The following TRAPPC9 variants were observed in gnomAD, a reference collection of about 807,000 sequenced individuals.
The protein encoded by TRAPPC9 is trafficking protein particle complex subunit 9.
TRAPPC9 carries 83 observed loss-of-function variants against 124.0 expected under a neutral mutation model. The ratio of observed to expected loss-of-function variants is 0.67; its 90% CI spans 0.56 to 0.80. The LOEUF is 0.80. Among genes scored for constraint, TRAPPC9 ranks in the 30% least tolerant of loss-of-function variants. TRAPPC9 has a pLI of 0.00. For synonymous variants in TRAPPC9, 638 were observed against 617.5 expected, an observed-to-expected ratio of 1.03 and a Z score of -0.49; for missense variants, 1,302 against 1,508.3, an observed-to-expected ratio of 0.86 and a Z score of 2.27.
intron 21 of TRAPPC9, among the ~76,000 whole-genome samples, chr8:139,847,741 C>G (rs991252856): frequency 5.7e-4 from 86 of 151,398 alleles, no homozygotes; most frequent in African/African-American, 2.1e-3. Flanking sequence ...GTGGCCCAGC[C>G]TGCAGATGGG....
intron 17 of TRAPPC9, among the ~76,000 whole-genome samples, chr8:140,160,852 C>G (rs1338059314): frequency 2.0e-5 from 3 of 151,894 alleles, no homozygotes; most frequent in Non-Finnish European, 4.4e-5. Context: ...AAAGTTTCTG[C>G]CCTATTTAAT....
In TRAPPC9 at chr8:140,097,989, G is replaced by C. The variant is rs750073127; in HGVS notation, c.2557-73910C>G. ...TTGCCGCAGTCCGCACAGTAAAGAC[G>C]CTCACCAGGTCCTCCGCAGCCAACC... On this transcript the variant is annotated intron_variant, in intron 17 of 22. Coordinates refer to ENST00000438773, the MANE Select transcript of TRAPPC9 (RefSeq NM_001160372.4). The surrounding 1 kb of genome is among the most constrained non-coding windows in gnomAD (Gnocchi z 4.2). 6.6e-6 allele frequency: 1 copy of C among 152,374 alleles called. No individual in the cohort carries two copies. Among genetic ancestry groups the C allele is most frequent in the African/African-American group, 2.4e-5 (1 of 41,418 alleles). 9.4% of individuals were successfully genotyped at this position (152,374 alleles called of 1,614,324 possible).
intron 17 of TRAPPC9, among the ~76,000 whole-genome samples, chr8:140,053,450 AT>A (rs1247752386): frequency 6.6e-6 from 1 of 152,222 alleles, no homozygotes; most frequent in Non-Finnish European, 1.5e-5. Context: ...GTCTTTTTAA[AT>A]TTGGTAAGAC....
intron 15 of TRAPPC9, among the ~76,000 whole-genome samples, chr8:140,265,429 G>C (rs1030721877): frequency 1.3e-5 from 2 of 152,208 alleles, no homozygotes; most frequent in Non-Finnish European, 2.9e-5. Flanking sequence ...AAATAAGAGA[G>C]GAAATTCACA....
rs1382731950 is a variant in TRAPPC9 at position 140,424,137 on chromosome 8, T to C, written c.886+2478A>G. Reference sequence around the variant, plus strand: ...TAGGTAAACTGCATTAAAACTAGTTTGTTTGTTTGTTTGTTTGTTTTTTTA... The same window carrying C: ...TAGGTAAACTGCATTAAAACTAGTTCGTTTGTTTGTTTGTTTGTTTTTTTA... On this transcript the variant is annotated intron_variant, in intron 5 of 22. Transcript: ENST00000438773. 2.2e-5 allele frequency among the ~76,000 whole-genome samples: 3 copies of C among 139,142 alleles called. No homozygotes were observed. The South Asian group carries it at 6.3e-4, about 29-fold the overall frequency. 91.3% of individuals were successfully genotyped at this position (139,142 alleles called of 152,430 possible). A position where few individuals can be genotyped will look rare whatever the true frequency, so the allele number is the denominator to read the frequency against.
At chr8:140,068,085 C>A (rs1213098908) in intron 17 of TRAPPC9, among the ~76,000 whole-genome samples, 2 of 151,796 alleles carry the variant, frequency 1.3e-5, no homozygotes, top group Admixed American at 6.6e-5. Flanking sequence ...TGGGTGGAGA[C>A]CTCGTGTGGG....
At chr8:139,762,055 G>A (rs2130362021) in intron 21 of TRAPPC9, among the ~76,000 whole-genome samples, 1 of 151,962 alleles carries the variant, frequency 6.6e-6, no homozygotes, top group East Asian at 2.0e-4. Flanking sequence ...GCCCAAGGAT[G>A]CTCTGCTCCT....
intron 15 of TRAPPC9, among the ~76,000 whole-genome samples, chr8:140,272,272 G>A (rs1453491210): frequency 7.1e-6 from 1 of 141,390 alleles, no homozygotes; most frequent in Non-Finnish European, 1.5e-5. Context: ...TGTTTGTGGT[G>A]GTGACGATGG....
chr8:140,318,607 A>G (rs1279681785), intron 9 of TRAPPC9, among the ~76,000 whole-genome samples: 1 of 152,240 alleles, frequency 6.6e-6, no homozygotes, highest in Non-Finnish European at 1.5e-5. Flanking sequence ...AATCCCACAT[A>G]TAAGTGAGAA....
chr8:140,060,483 T>C (rs1204770922), intron 17 of TRAPPC9, among the ~76,000 whole-genome samples: 1 of 152,198 alleles, frequency 6.6e-6, no homozygotes, highest in Admixed American at 6.5e-5. Context: ...CTTGGCCTCC[T>C]GCACTCTGCC....
chr8:139,796,703 G>T (rs907801451), intron 21 of TRAPPC9, among the ~76,000 whole-genome samples: 9 of 152,210 alleles, frequency 5.9e-5, no homozygotes, highest in African/African-American at 2.2e-4. Flanking sequence ...TATGAACAAC[G>T]GTGCTATGAA....
At chr8:140,033,713 G>A (rs1030525197) in intron 17 of TRAPPC9, among the ~76,000 whole-genome samples, 31 of 102,954 alleles carry the variant, frequency 3.0e-4, no homozygotes, top group African/African-American at 8.7e-4. Context: ...ACAGAGTCTC[G>A]CTCTGTCGCC....
chr8:139,733,771 G>A (rs1386208296), intron 21 of TRAPPC9, among the ~76,000 whole-genome samples: 1 of 152,244 alleles, frequency 6.6e-6, no homozygotes, highest in Non-Finnish European at 1.5e-5. Context: ...GCACCCTGCA[G>A]CGGAGGATCC....
chr8:140,312,758 C>CTTCTTCT (rs1275487957), intron 9 of TRAPPC9, among the ~76,000 whole-genome samples: 1 of 98,580 alleles, frequency 1.0e-5, no homozygotes, highest in Non-Finnish European at 2.2e-5. Context: ...TCTTCTTCTT[C>CTTCTTCT]TTTTTTTTTT....
intron 20 of TRAPPC9, among the ~76,000 whole-genome samples, chr8:139,889,642 T>G (rs188583743): frequency 1.3e-5 from 2 of 152,162 alleles, no homozygotes; most frequent in African/African-American, 2.4e-5. Context: ...CGAAGGTAGA[T>G]TTTCTTAAAA....
chr8:139,745,683 C>G (rs1467310570), intron 21 of TRAPPC9, among the ~76,000 whole-genome samples: 1 of 152,222 alleles, frequency 6.6e-6, no homozygotes, highest in African/African-American at 2.4e-5. Flanking sequence ...TGGCTGGAGC[C>G]TCCCTTGGGG....
At chr8:140,272,200 G>A (rs944754392) in intron 15 of TRAPPC9, among the ~76,000 whole-genome samples, 6 of 149,960 alleles carry the variant, frequency 4.0e-5, no homozygotes, top group Non-Finnish European at 5.9e-5. Flanking sequence ...TGGTGATGGT[G>A]GCAGTGGTGA....
intron 18 of TRAPPC9, among the ~76,000 whole-genome samples, chr8:140,014,482 T>A (rs746378929): frequency 2.0e-4 from 30 of 152,006 alleles, no homozygotes; most frequent in Non-Finnish European, 1.5e-4. Flanking sequence ...TATATTGGGC[T>A]TTGGCATTTA....
intron 21 of TRAPPC9, among the ~76,000 whole-genome samples, chr8:139,791,684 G>A (rs1033202375): frequency 3.3e-5 from 5 of 152,184 alleles, no homozygotes; most frequent in African/African-American, 7.2e-5. Flanking sequence ...ATGTTGTATG[G>A]ATTGGCGCTA....
Sources: allele counts gnomAD v4.1 joint callset (sites outside exome capture counted in the v4.1 genomes callset), GRCh38; gene constraint gnomAD v4.1.1; non-coding constraint Gnocchi (gnomAD v3.1); transcripts MANE v1.5; gene names NCBI Gene and HGNC (gene_info 2026-07-23, HGNC 2026-07-21).